MRC2: variants seen among roughly 807,000 people sequenced by gnomAD.
The protein encoded by MRC2 is mannose receptor C-type 2, also known as C-type mannose receptor 2.
In MRC2, 84 loss-of-function variants were observed where a neutral mutation model predicts 206.2. The ratio of observed to expected loss-of-function variants is 0.41; its 90% confidence interval spans 0.34 to 0.49. The LOEUF (loss-of-function observed/expected upper bound fraction) is 0.49, where lower values mean the gene tolerates loss of function less well. Among genes scored for constraint, MRC2 ranks in the 20% least tolerant of loss-of-function variants. The probability of loss-of-function intolerance (pLI) is 0.31; values close to 1 mark genes in which losing one functional copy is unlikely to be tolerated. For synonymous variants in MRC2, 798 were observed against 800.0 expected (o/e 1.00, Z 0.04); for missense variants, 1,676 against 2,001.5 (o/e 0.84, Z 3.10).
Position 62,688,956 on chromosome 17 carries a change from C to T in MRC2, c.3330C>T (p.Gly1110=), listed in dbSNP as rs766792679. 3.7e-6 allele frequency: 6 copies of T among 1,612,946 alleles called. No individual in the cohort carries two copies. Among genetic ancestry groups the T allele is most frequent in the Middle Eastern group, 1.6e-4 (1 of 6,084 alleles). ...CCCATGGCTTCATCTGCCAGAAGGG[C>T]ACGGGTATGTGTCACCAGTCACCTG... ...EETHGFICQK[G]TDPSLSPSPA... is the part of the protein sequence containing the mutation. The change falls in exon 23 of 30, where the codon GGC becomes GGT. Residue 1110 remains glycine (G), a synonymous_variant. Transcript: ENST00000303375.
chr17:62,641,340 A>G (rs1451512813), intron 1 of MRC2, among the ~76,000 whole-genome samples: 2 of 151,704 alleles, frequency 1.3e-5, no homozygotes, highest in Admixed American at 6.6e-5. Context: ...AAAGAGAAGA[A>G]AAGAAAAGAA....
intron 10 of MRC2, 93 bp from the exon 11 acceptor site, chr17:62,676,290 C>T: frequency 1.3e-6 from 2 of 1,507,308 alleles, no homozygotes; most frequent in South Asian, 1.3e-5. Context: ...TGGTCGGGTG[C>T]AGCACCCGAG....
chr17:62,666,240 G>A lies in MRC2; in HGVS notation c.667G>A (p.Glu223Lys), dbSNP rs1216571340. The change falls in exon 3 of 30, where the codon GAG becomes AAG. Residue 223 changes from glutamate to lysine, a missense_variant. Physicochemically the swap from Glu to Lys is moderately conservative, Grantham distance 56. Coordinates refer to ENST00000303375, the MANE Select transcript of MRC2 (RefSeq NM_006039.5). This position sits in a 1 kb window ranked among gnomAD's most constrained non-coding sequence, Gnocchi z 5.0. ...CACCACCCAGGACTACGGCAAAGAC[G>A]AGCGCTGGGGCTTCTGCCCCATCAA... ...CATTQDYGKDERWGFCPIKSN... is the reference protein window; with the variant it reads ...CATTQDYGKDKRWGFCPIKSN... The A allele has an allele frequency of 1.9e-6, 3 of 1,591,328 alleles. No individual in the cohort carries two copies. Among genetic ancestry groups the A allele is most frequent in the Admixed American group, 1.8e-5 (1 of 56,612 alleles).
At chr17:62,679,360 C>T (rs2088932561) in intron 13 of MRC2, 1 of 163,826 alleles carries the variant, frequency 6.1e-6, no homozygotes, top group Non-Finnish European at 1.3e-5. Flanking sequence ...AGACGTTAAC[C>T]CCTGACCCTT....
Position 62,688,555 on chromosome 17 carries a change from AT to A in MRC2, c.3117del (p.His1039GlnfsTer15). ...ACCTTTGACCTTTGGATTGGCCTCC[AT>A]GCCTCGCAGAGGGACTTCCAGTGGG... ...NVTFDLWIGL[H>X]ASQRDFQWVE... On this transcript the variant is annotated frameshift_variant, in exon 22 of 30. Transcript: ENST00000303375. LOFTEE classifies it high-confidence loss of function. 1.2e-6 allele frequency: 2 copies of A among 1,614,218 alleles called. No individual in the cohort carries two copies. The highest frequency in any genetic ancestry group is 1.7e-6 in the Non-Finnish European group (2 of 1,180,034).
At position 62,689,703 on chromosome 17, in the gene MRC2, C is replaced by T. The variant is rs748008499; in HGVS notation, c.3516C>T (p.Leu1172=). 2 of 1,576,118 alleles carry T rather than the reference C, an allele frequency of 1.3e-6. No individual in the cohort carries two copies. The highest frequency in any genetic ancestry group is 1.7e-6 in the Non-Finnish European group (2 of 1,161,722). Residue 1172 remains leucine (L), a synonymous_variant, in exon 24 of 30, where the codon CTC becomes CTT. Transcript: ENST00000303375. The part of the protein sequence containing the change: ...YVPDPYTQAF[L]TQAARGLRTP... ...CCGACCCCTACACCCAGGCCTTCCT[C>T]ACGCAGGCTGCCCGAGGGCTGCGCA...
At chr17:62,676,966 A>G (rs1030558294) in intron 11 of MRC2, among the ~76,000 whole-genome samples, 2 of 152,252 alleles carry the variant, frequency 1.3e-5, no homozygotes, top group African/African-American at 4.8e-5. Context: ...TGTTATTACT[A>G]TTATTACCAT....
At chr17:62,633,484 C>G (rs2088270771) in intron 1 of MRC2, among the ~76,000 whole-genome samples, 1 of 129,488 alleles carries the variant, frequency 7.7e-6, no homozygotes, top group Non-Finnish European at 1.6e-5. Context: ...GCCTGGGCAA[C>G]AGAGCGGGAC....
Position 62,688,916 on chromosome 17 carries a change from G to A in MRC2, c.3290G>A (p.Ser1097Asn). 10 of 1,613,874 alleles carry A rather than the reference G, an allele frequency of 6.2e-6. No individual in the cohort carries two copies. Among genetic ancestry groups the A allele is most frequent in the Non-Finnish European group, 8.5e-6 (10 of 1,180,010 alleles). Residue 1097 changes from serine to asparagine, a missense_variant, in exon 23 of 30, where the codon AGC becomes AAC. By Grantham distance (46) the Ser-to-Asn change is conservative (BLOSUM62 1). This residue lies in a region of MRC2 where 1,354 missense variants were observed against 1,636.6 expected (regional missense o/e 0.83). Transcript: ENST00000303375. ...AHFTGRWDDR[S>N]CTEETHGFIC... ...TTCACTGGCCGCTGGGACGATCGGAGCTGCACGGAGGAGACCCATGGCTTC... is the reference window on the plus strand; with the variant it reads ...TTCACTGGCCGCTGGGACGATCGGAACTGCACGGAGGAGACCCATGGCTTC...
chr17:62,659,157 C>T (rs563793610), intron 1 of MRC2, among the ~76,000 whole-genome samples: 22 of 152,218 alleles, frequency 1.4e-4, no homozygotes, highest in Admixed American at 5.9e-4. Context: ...TTTATTAGGA[C>T]GCTCATCCTA....
chr17:62,627,953 C>G, intron 1 of MRC2, 33 bp downstream of exon 1: 3 of 1,362,658 alleles, frequency 2.2e-6, no homozygotes, highest in South Asian at 3.2e-5. Flanking sequence ...AACTTCAGGG[C>G]CCGGGCGGGG....
At position 62,689,953 on chromosome 17, in the gene MRC2, C is replaced by T. The variant is rs568390139; in HGVS notation, c.3633C>T (p.Asp1211=). Residue 1211 remains aspartate, a synonymous_variant, in exon 25 of 30, where the codon GAC becomes GAT. Coordinates refer to ENST00000303375, the MANE Select transcript of MRC2 (RefSeq NM_006039.5). ...EEPLNYVGWQ[D]GEPQQPGGCT... The stretch of plus-strand genomic sequence containing the variant: ...CGCTGAACTACGTGGGCTGGCAGGA[C>T]GGGGAGCCGCAGCAGCCGGGGGGCT... 2.4e-5 allele frequency: 39 copies of T among 1,611,464 alleles called. No individual in the cohort carries two copies. Among genetic ancestry groups the T allele is most frequent in the Admixed American group, 3.3e-5 (2 of 59,808 alleles).
At chr17:62,649,392 A>T (rs1421308926) in intron 1 of MRC2, among the ~76,000 whole-genome samples, 1 of 152,212 alleles carries the variant, frequency 6.6e-6, no homozygotes, top group Non-Finnish European at 1.5e-5. Context: ...GGAGTTCAAG[A>T]CCAACCTGGC....
rs374221330 is a variant in MRC2 at position 62,677,366 on chromosome 17, C to T, written c.1932C>T (p.Cys644=). The T allele has an allele frequency of 3.1e-6, 5 of 1,610,164 alleles. No homozygotes were observed. The highest frequency in any genetic ancestry group is 4.2e-6 in the Non-Finnish European group (5 of 1,178,940). ...CCTCGTTCCGGGCCCGCTACATCTGCCGGCAGAGCCTGGGCACTCCAGTGA... is the reference window on the plus strand; with the variant it reads ...CCTCGTTCCGGGCCCGCTACATCTGTCGGCAGAGCCTGGGCACTCCAGTGA... The part of the protein sequence containing the change: ...NCTSFRARYI[C]RQSLGTPVTP... The change falls in exon 12 of 30, where the codon TGC becomes TGT. Residue 644 remains cysteine, a synonymous_variant. Transcript: ENST00000303375.
At chr17:62,647,278 G>A (rs1239961658) in intron 1 of MRC2, among the ~76,000 whole-genome samples, 2 of 150,470 alleles carry the variant, frequency 1.3e-5, no homozygotes, top group Non-Finnish European at 2.9e-5. Flanking sequence ...CCGCCTCCTG[G>A]GTTCAAGTGA....
At position 62,675,768 on chromosome 17, in the gene MRC2, C is replaced by A. The variant is rs1440298689; in HGVS notation, c.1570-22C>A. 6.3e-7 allele frequency: 1 copy of A among 1,592,250 alleles called. No homozygotes were observed. Among genetic ancestry groups the A allele is most frequent in the Non-Finnish European group, 8.6e-7 (1 of 1,160,170 alleles). On this transcript the variant is annotated intron_variant, in intron 9 of 29. Coordinates refer to ENST00000303375, the MANE Select transcript of MRC2 (RefSeq NM_006039.5). The surrounding 1 kb of genome is among the most constrained non-coding windows in gnomAD (Gnocchi z 4.1). ...AGTCATCTTCCCTACAGACACCCCT[C>A]TTCTGTCCACTCTTGAGCCAGGGTT...
rs560511869 is a variant in MRC2 at position 62,635,716 on chromosome 17, C to T, written c.118+7796C>T. On this transcript the variant is annotated intron_variant, in intron 1 of 29. Coordinates refer to ENST00000303375, the MANE Select transcript of MRC2 (RefSeq NM_006039.5). ...GTTACTCCAGTGCGTTTGGAGGCCA[C>T]GGGAGGAGAGACTGCTTGAGGCCAG... Among the ~76,000 whole-genome samples, 132 of 152,118 alleles carry T rather than the reference C, an allele frequency of 8.7e-4. 1 individual carries two copies. Among genetic ancestry groups the T allele is most frequent in the African/African-American group, 3.1e-3 (128 of 41,510 alleles).
In MRC2 at chr17:62,691,107, G is replaced by A. The variant is rs2089105804; in HGVS notation, c.4171G>A (p.Val1391Ile). The change falls in exon 28 of 30, where the codon GTC becomes ATC. Residue 1391 changes from valine to isoleucine, a missense_variant. Val to Ile is a conservative substitution (Grantham distance 29). Around this residue, in one of 3 missense-constraint regions of MRC2, gnomAD observed 1,354 missense variants for 1,636.6 expected, o/e 0.83. Transcript: ENST00000303375. ...CGCTTGCACCAACATCACCATGGGT[G>A]TCGTCTGCAAGCTTCCTCGTGGTGA... is the stretch of plus-strand genomic sequence containing the variant. ...PGACTNITMG[V>I]VCKLPRAEQS... The A allele has an allele frequency of 6.2e-7, 1 of 1,608,136 alleles. No individual in the cohort carries two copies. Among genetic ancestry groups the A allele is most frequent in the Non-Finnish European group, 8.5e-7 (1 of 1,178,162 alleles).
chr17:62,684,322 CTAG>C (rs1371181720), intron 20 of MRC2, among the ~76,000 whole-genome samples: 1 of 152,156 alleles, frequency 6.6e-6, no homozygotes, highest in East Asian at 1.9e-4. Context: ...TAAAAATTGG[CTAG>C]TAGGCTGGGA....
Sources: gnomAD v4.1 joint callset for allele counts (sites outside exome capture counted in the v4.1 genomes callset) on GRCh38, gnomAD v4.1.1 for gene constraint, gnomAD v4.1.1 regional missense constraint, Gnocchi (gnomAD v3.1) non-coding constraint, MANE v1.5 for transcripts, NCBI Gene and HGNC (gene_info 2026-07-23, HGNC 2026-07-21) for gene names.